Variants in AQR observed in about 807,000 individuals in gnomAD.
The protein encoded by AQR is aquarius intron-binding spliceosomal factor, also known as RNA helicase aquarius.
AQR carries 61 observed loss-of-function variants against 180.5 expected under a neutral mutation model. The ratio of observed to expected loss-of-function variants is 0.34; its 90% CI spans 0.28 to 0.42. AQR has a LOEUF of 0.42. AQR is among the 10% of genes least tolerant of loss of function. The probability of loss-of-function intolerance (pLI) is 1.00; values close to 1 mark genes in which losing one functional copy is unlikely to be tolerated. For synonymous variants in AQR, 551 were observed against 588.8 expected, an observed-to-expected ratio of 0.94 and a Z score of 0.93; for missense variants, 1,281 against 1,798.3, an observed-to-expected ratio of 0.71 and a Z score of 5.20.
intron 16 of AQR, among the ~76,000 whole-genome samples, chr15:34,912,377 GTCTT>G (rs1482136983): frequency 4.0e-5 from 6 of 151,666 alleles, no homozygotes; most frequent in African/African-American, 9.7e-5. Flanking sequence ...CTGTTTTTCT[GTCTT>G]TATTTCTCTT....
chr15:34,900,368 C>T (rs777806319), intron 20 of AQR, among the ~76,000 whole-genome samples: 1 of 152,208 alleles, frequency 6.6e-6, no homozygotes, highest in Non-Finnish European at 1.5e-5. Context: ...ATATAGTTCT[C>T]TTCAGACAAT....
rs755730420 is a variant in AQR at position 34,906,617 on chromosome 15, C to A, written c.1759G>T (p.Val587Phe). ...FDRRRPFIEQ[V>F]GLVYVRGCEI... Reference sequence around the variant, plus strand: ...CAGCCTCTGACATAAACCAGGCCAACCTGCTCAATAAAAGGTCTCCTCCGG... The same window carrying A: ...CAGCCTCTGACATAAACCAGGCCAAACTGCTCAATAAAAGGTCTCCTCCGG... Residue 587 changes from valine (V) to phenylalanine (F), a missense_variant, in exon 18 of 35, where the codon GTT (valine) becomes TTT (phenylalanine). Coordinates refer to ENST00000156471, the MANE Select transcript of AQR (RefSeq NM_014691.3). The A allele has an allele frequency of 2.5e-6, 4 of 1,614,092 alleles. No individual in the cohort carries two copies. The highest frequency in any genetic ancestry group is 2.2e-5 in the South Asian group (2 of 91,076).
intron 33 of AQR, among the ~76,000 whole-genome samples, chr15:34,862,393 A>C (rs976119955): frequency 6.6e-6 from 1 of 152,108 alleles, no homozygotes; most frequent in African/African-American, 2.4e-5. Context: ...CAAACTACTT[A>C]GCTTCTCTGA....
Position 34,856,933 on chromosome 15 carries a change from G to C in AQR, c.4317C>G (p.Pro1439=). The change falls in exon 35 of 35, where the codon CCC becomes CCG. Residue 1439 remains proline (P), a synonymous_variant. Transcript: ENST00000156471. The part of the protein sequence containing the change: ...ETPAFQTDTT[P]SETGATSTPE... Reference sequence around the variant, plus strand: ...GAGTGGAAGTGGCTCCTGTCTCACTGGGGGTGGTGTCAGTTTGAAAGGCTG... The same window carrying C: ...GAGTGGAAGTGGCTCCTGTCTCACTCGGGGTGGTGTCAGTTTGAAAGGCTG... The C allele has an allele frequency of 6.2e-7, 1 of 1,614,080 alleles. No homozygotes were observed. Among genetic ancestry groups the C allele is most frequent in the East Asian group, 2.2e-5 (1 of 44,870 alleles).
intron 23 of AQR, among the ~76,000 whole-genome samples, chr15:34,891,627 A>G (rs953330844): frequency 6.6e-6 from 1 of 152,222 alleles, no homozygotes; most frequent in Non-Finnish European, 1.5e-5. Context: ...TAACTGTAGA[A>G]AGCCATATCA....
intron 5 of AQR, among the ~76,000 whole-genome samples, chr15:34,945,226 C>T (rs1447954986): frequency 6.6e-6 from 1 of 152,192 alleles, no homozygotes; most frequent in East Asian, 1.9e-4. Flanking sequence ...TACTAGATGA[C>T]TTAATCTAGA....
chr15:34,875,065 G>A (rs1244647079), intron 28 of AQR, among the ~76,000 whole-genome samples: 4 of 152,126 alleles, frequency 2.6e-5, no homozygotes, highest in Non-Finnish European at 5.9e-5. Flanking sequence ...CTGGGTGACA[G>A]TGGGTGAGGG....
At position 34,930,406 on chromosome 15, in the gene AQR, A is replaced by G. The variant is rs1406748582; in HGVS notation, c.901-35T>C. 4.1e-6 allele frequency: 5 copies of G among 1,213,268 alleles called. No homozygotes were observed. The Admixed American group carries it at 5.1e-5, about 12-fold the overall frequency. The allele number at this position is 1,213,268 out of a possible 1,614,324, so 75.2% of individuals were successfully genotyped here. On this transcript the variant is annotated intron_variant, in intron 11 of 34. Coordinates refer to ENST00000156471, the MANE Select transcript of AQR (RefSeq NM_014691.3). ...CACATTTACATGTATAAATCATATG[A>G]ACATAAGGGCAAGAAAGCACAATAC...
chr15:34,893,652 CAG>C lies in AQR; in HGVS notation c.2571+9_2571+10del. The C allele has an allele frequency of 6.4e-7, 1 of 1,570,680 alleles. No homozygotes were observed. The highest frequency in any genetic ancestry group is 1.4e-5 in the African/African-American group (1 of 70,210). ...ACACACACACACACACACACACACA[CAG>C]TCATTTACCTGATTGGAATGAGTAA... On this transcript the variant is annotated intron_variant, in intron 23 of 34. Coordinates refer to ENST00000156471, the MANE Select transcript of AQR (RefSeq NM_014691.3).
intron 14 of AQR, 112 bp from the exon 15 acceptor site, chr15:34,918,490 GATTT>G (rs1893631190): frequency 1.6e-6 from 2 of 1,274,498 alleles, no homozygotes; most frequent in Admixed American, 5.2e-5. Context: ...TTCAACAAGC[GATTT>G]TTTTTTCTTT....
chr15:34,896,926 G>A lies in AQR; in HGVS notation c.2431C>T (p.Arg811Cys), dbSNP rs986909757. ...QFTHTQIEAI[R>C]AGMQPGLTMV... ...GTCAGCCCAGGCTGCATTCCAGCACGGATGGCTTCTATCTGTGTATGAGTG... is the reference window on the plus strand; with the variant it reads ...GTCAGCCCAGGCTGCATTCCAGCACAGATGGCTTCTATCTGTGTATGAGTG... The change falls in exon 22 of 35, where the codon CGT becomes TGT. Residue 811 changes from arginine to cysteine, a missense_variant. By Grantham distance (180) the Arg-to-Cys change is radical (BLOSUM62 -3). Coordinates refer to ENST00000156471, the MANE Select transcript of AQR (RefSeq NM_014691.3). 3.1e-6 allele frequency: 5 copies of A among 1,613,340 alleles called. No individual in the cohort carries two copies. Among genetic ancestry groups the A allele is most frequent in the South Asian group, 1.1e-5 (1 of 91,062 alleles).
Position 34,897,421 on chromosome 15 carries a change from A to C in AQR, c.2390+138T>G, listed in dbSNP as rs1343042065. ...AATGTCAGTTATTCAGCTGACTGAC[A>C]GAATAGAAAGAAAGAGGGTTCAGAA... is the stretch of plus-strand genomic sequence containing the variant. On this transcript the variant is annotated intron_variant, in intron 21 of 34. Transcript: ENST00000156471. 4.1e-6 allele frequency: 4 copies of C among 973,342 alleles called. No individual in the cohort carries two copies. The African/African-American group carries it at 4.9e-5, about 12-fold the overall frequency. The allele number at this position is 973,342 out of a possible 1,614,324, so 60.3% of individuals were successfully genotyped here.
In AQR at chr15:34,863,110, TCA is replaced by T. The variant is rs1892695134; in HGVS notation, c.3855-71_3855-70del. ...AACATTTAAGCAGCTTTTTTTTTTT[TCA>T]CAGATTTCATTAGATAGTCCTGTTA... On this transcript the variant is annotated intron_variant, in intron 32 of 34. Coordinates refer to ENST00000156471, the MANE Select transcript of AQR (RefSeq NM_014691.3). 3.2e-5 allele frequency: 44 copies of T among 1,378,666 alleles called. No homozygotes were observed. In the South Asian group the frequency reaches 5.9e-4, roughly 18 times the overall value. 85.4% of individuals were successfully genotyped at this position (1,378,666 alleles called of 1,614,324 possible).
chr15:34,876,984 A>G (rs1361953127), intron 27 of AQR, among the ~76,000 whole-genome samples: 1 of 152,120 alleles, frequency 6.6e-6, no homozygotes, highest in African/African-American at 2.4e-5. Flanking sequence ...GTACTGAAGT[A>G]CTGTTCTTTT....
At chr15:34,899,868 A>C (rs552181835) in intron 20 of AQR, among the ~76,000 whole-genome samples, 2 of 152,182 alleles carry the variant, frequency 1.3e-5, no homozygotes, top group South Asian at 4.2e-4. Flanking sequence ...ACCAGACCTA[A>C]TTTAAGATTA....
At chr15:34,958,424 G>C (rs1187242911) in intron 3 of AQR, among the ~76,000 whole-genome samples, 2 of 152,106 alleles carry the variant, frequency 1.3e-5, no homozygotes, top group Non-Finnish European at 2.9e-5. Flanking sequence ...GCTAAGGTTG[G>C]GGGATCACTT....
In AQR at chr15:34,958,186, G is replaced by A. The variant is rs139806781; in HGVS notation, c.173+2588C>T. Among the ~76,000 whole-genome samples the A allele has an allele frequency of 3.1e-4, 47 of 152,016 alleles. No homozygotes were observed. In the East Asian group the frequency reaches 6.4e-3, roughly 21 times the overall value. ...TCATGCCACTGCACTCCAGCCTGGCGACAGAGCAAGACTCCGTCTCAAAAA... is the reference window on the plus strand; with the variant it reads ...TCATGCCACTGCACTCCAGCCTGGCAACAGAGCAAGACTCCGTCTCAAAAA... On this transcript the variant is annotated intron_variant, in intron 3 of 34. Transcript: ENST00000156471.
intron 19 of AQR, among the ~76,000 whole-genome samples, chr15:34,903,655 G>C (rs1220350947): frequency 6.6e-6 from 1 of 152,146 alleles, no homozygotes. Flanking sequence ...GTAATAAAAT[G>C]ATAGGAATGT....
At chr15:34,875,151 G>A (rs1892873198) in intron 28 of AQR, among the ~76,000 whole-genome samples, 1 of 152,108 alleles carries the variant, frequency 6.6e-6, no homozygotes, top group Non-Finnish European at 1.5e-5. Context: ...AAGGCTGGAA[G>A]GATTAGGTCA....
Sources: allele counts gnomAD v4.1 joint callset (sites outside exome capture counted in the v4.1 genomes callset), GRCh38; gene constraint gnomAD v4.1.1; transcripts MANE v1.5; gene names NCBI Gene and HGNC (gene_info 2026-07-23, HGNC 2026-07-21).